The following AFDN variants were observed in gnomAD, a reference collection of about 807,000 sequenced individuals.
The protein encoded by AFDN is afadin.
In AFDN, 68 loss-of-function variants were observed where a neutral mutation model predicts 216.6. The observed-to-expected ratio is 0.31, with a 90% confidence interval of 0.26 to 0.38. AFDN has a LOEUF of 0.38. AFDN is among the 10% of genes least tolerant of loss of function. The pLI is 1.00. For missense variants in AFDN, 2,136 were observed against 2,342.0 expected (o/e 0.91, Z 1.82); for synonymous variants, 868 against 853.7 (o/e 1.02, Z -0.29).
intron 15 of AFDN, among the ~76,000 whole-genome samples, chr6:167,912,839 T>C (rs1790575659): frequency 6.6e-6 from 1 of 152,228 alleles, no homozygotes; most frequent in African/African-American, 2.4e-5. Flanking sequence ...GGAAAAGAAC[T>C]GTGGTAGTGA....
At chr6:167,963,408 G>A (rs1797232199) in intron 31 of AFDN, 1 of 1,055,558 alleles carries the variant, frequency 9.5e-7, no homozygotes, top group Non-Finnish European at 1.1e-6. Flanking sequence ...TACAACTTCT[G>A]ATGGCGGAAA....
intron 16 of AFDN, 153 bp downstream of exon 16, chr6:167,913,576 C>G: frequency 1.6e-6 from 1 of 632,292 alleles, no homozygotes; most frequent in Admixed American, 3.1e-5. Context: ...CCCTTTTTGA[C>G]TGTGCAACCT....
chr6:167,951,455 C>G lies in AFDN; in HGVS notation c.4101C>G (p.Ile1367Met), dbSNP rs1351068215. ...CCCCTGTGGCCGTCTCCCAGCCAAT[C>G]CGAACAGACCTGCCTCCGCCACCCC... ...PATPVAVSQP[I>M]RTDLPPPPPP... Residue 1367 changes from isoleucine (I) to methionine (M), a missense_variant, in exon 30 of 34, where the codon ATC becomes ATG. This residue lies in a region of AFDN where 981 missense variants were observed against 966.0 expected (regional missense o/e 1.02). Transcript: ENST00000683244. The surrounding 1 kb of genome is among the most constrained non-coding windows in gnomAD (Gnocchi z 7.1). The G allele has an allele frequency of 1.2e-6, 2 of 1,614,038 alleles. No individual in the cohort carries two copies. The highest frequency in any genetic ancestry group is 3.3e-5 in the Admixed American group (2 of 60,012).
intron 1 of AFDN, among the ~76,000 whole-genome samples, chr6:167,835,243 A>G (rs901240568): frequency 6.6e-6 from 1 of 152,204 alleles, no homozygotes; most frequent in Non-Finnish European, 1.5e-5. Flanking sequence ...AAAAATTTTC[A>G]TTTCAGAGCT....
Position 167,911,503 on chromosome 6 carries a change from G to A in AFDN, c.2037+14G>A, listed in dbSNP as rs777544715. 27 of 1,612,160 alleles carry A rather than the reference G, an allele frequency of 1.7e-5. No homozygotes were observed. The highest frequency in any genetic ancestry group is 6.7e-5 in the East Asian group (3 of 44,838). ...GGTGTCATCCAGGTACGTTCCAGCC[G>A]GCCAGCCATGCTCCTCCAGTGATTG... On this transcript the variant is annotated intron_variant, in intron 15 of 33. Coordinates refer to ENST00000683244, the MANE Select transcript of AFDN (RefSeq NM_001386888.1).
intron 6 of AFDN, among the ~76,000 whole-genome samples, chr6:167,888,412 G>A (rs1037493838): frequency 1.3e-5 from 2 of 152,082 alleles, no homozygotes; most frequent in African/African-American, 4.8e-5. Context: ...CCAGTGACTT[G>A]GCCTTCTTTT....
At chr6:167,928,596 G>A (rs986704964) in intron 23 of AFDN, among the ~76,000 whole-genome samples, 2 of 152,226 alleles carry the variant, frequency 1.3e-5, no homozygotes, top group African/African-American at 4.8e-5. Flanking sequence ...AAGTGCCTCA[G>A]CTCAGACGCT....
rs568853365 is a variant in AFDN, at chr6:167,881,381, T to G, written c.897+864T>G. On this transcript the variant is annotated intron_variant, in intron 6 of 33. Coordinates refer to ENST00000683244, the MANE Select transcript of AFDN (RefSeq NM_001386888.1). ...AAAATGACAATAAAGGAATAAAAATTTGTTTAAATGCACAAGAACAAAGAG... is the reference window on the plus strand; with the variant it reads ...AAAATGACAATAAAGGAATAAAAATGTGTTTAAATGCACAAGAACAAAGAG... 3.6e-4 allele frequency among the ~76,000 whole-genome samples: 55 copies of G among 152,284 alleles called. 1 individual carries two copies. Among genetic ancestry groups the G allele is most frequent in the African/African-American group, 1.2e-3 (49 of 41,550 alleles).
At chr6:167,913,904 C>T in intron 16 of AFDN, 1 of 488,770 alleles carries the variant, frequency 2.0e-6, no homozygotes. Flanking sequence ...CTCCATTTCT[C>T]CGCTGATTCC....
chr6:167,942,716 G>T (rs1794840115), intron 23 of AFDN, among the ~76,000 whole-genome samples: 1 of 152,104 alleles, frequency 6.6e-6, no homozygotes, highest in Non-Finnish European at 1.5e-5. Context: ...GCCACAAGAA[G>T]TTTTTTTATC....
At chr6:167,954,387 A>G (rs752861312) in intron 30 of AFDN, 57 of 1,286,196 alleles carry the variant, frequency 4.4e-5, no homozygotes, top group Non-Finnish European at 6.0e-5. Flanking sequence ...ATGGCAGATT[A>G]CAGGTCTAAA....
chr6:167,861,353 T>A (rs1460534630), intron 1 of AFDN, among the ~76,000 whole-genome samples: 2 of 152,240 alleles, frequency 1.3e-5, no homozygotes, highest in Non-Finnish European at 2.9e-5. Flanking sequence ...AACATAGTTT[T>A]CATAGGCTTT....
At chr6:167,948,868 G>C (rs575047626) in intron 29 of AFDN, among the ~76,000 whole-genome samples, 23 of 152,240 alleles carry the variant, frequency 1.5e-4, no homozygotes, top group Non-Finnish European at 3.2e-4. Context: ...TCAGTGCTGT[G>C]GGAGAAGAGG....
In AFDN at chr6:167,881,506, A is replaced by T. The variant is rs147158570; in HGVS notation, c.897+989A>T. 2.6e-5 allele frequency among the ~76,000 whole-genome samples: 4 copies of T among 152,356 alleles called. No homozygotes were observed. The East Asian group carries it at 7.7e-4, about 29-fold the overall frequency. On this transcript the variant is annotated intron_variant, in intron 6 of 33. Transcript: ENST00000683244. ...ACCAGAGAAATCTTGCTGGGAGGACATCAAGACAAAGCAGGCAAGTGTATC... is the reference window on the plus strand; with the variant it reads ...ACCAGAGAAATCTTGCTGGGAGGACTTCAAGACAAAGCAGGCAAGTGTATC...
At chr6:167,936,705 A>G (rs1794049606) in intron 23 of AFDN, among the ~76,000 whole-genome samples, 1 of 152,134 alleles carries the variant, frequency 6.6e-6, no homozygotes, top group Non-Finnish European at 1.5e-5. Flanking sequence ...CCAGCAGCAG[A>G]GGCAGGGATG....
intron 1 of AFDN, among the ~76,000 whole-genome samples, chr6:167,840,818 A>T (rs368538973): frequency 6.6e-6 from 1 of 152,230 alleles, no homozygotes; most frequent in South Asian, 2.1e-4. Flanking sequence ...AAGATGAAAG[A>T]ACATGAGGAG....
At chr6:167,907,735 T>C (rs1042390481) in intron 13 of AFDN, among the ~76,000 whole-genome samples, 2 of 152,168 alleles carry the variant, frequency 1.3e-5, no homozygotes, top group Non-Finnish European at 2.9e-5. Context: ...TTATGTCTTG[T>C]GCTCTAATGT....
chr6:167,846,424 GT>G (rs1289070057), intron 1 of AFDN, among the ~76,000 whole-genome samples: 1 of 151,816 alleles, frequency 6.6e-6, no homozygotes, highest in Non-Finnish European at 1.5e-5. Context: ...CTATAGGGGT[GT>G]TTTTTTCTGT....
chr6:167,961,068 TAA>T (rs527327137), intron 30 of AFDN, among the ~76,000 whole-genome samples: 4 of 148,818 alleles, frequency 2.7e-5, no homozygotes, highest in Admixed American at 6.7e-5. Flanking sequence ...GATTTTTATT[TAA>T]AAAAAAAAAT....
Sources: gnomAD v4.1 joint callset for allele counts (sites outside exome capture counted in the v4.1 genomes callset) on GRCh38, gnomAD v4.1.1 for gene constraint, gnomAD v4.1.1 regional missense constraint, Gnocchi (gnomAD v3.1) non-coding constraint, MANE v1.5 for transcripts, NCBI Gene and HGNC (gene_info 2026-07-23, HGNC 2026-07-21) for gene names.